The following ANKRD27 variants were observed in gnomAD, a reference collection of about 807,000 sequenced individuals.
The protein encoded by ANKRD27 is ankyrin repeat domain-containing protein 27.
In ANKRD27, 112 loss-of-function variants were observed where a neutral mutation model predicts 129.7. The observed-to-expected ratio is 0.86, with a 90% CI of 0.74 to 1.01. The LOEUF (loss-of-function observed/expected upper bound fraction) is 1.01, where lower values mean the gene tolerates loss of function less well. ANKRD27 is among the 50% of genes least tolerant of loss of function. The pLI is 0.00. For synonymous variants in ANKRD27, 516 were observed against 511.2 expected, an observed-to-expected ratio of 1.01 and a Z score of -0.13; for missense variants, 1,258 against 1,300.5, an observed-to-expected ratio of 0.97 and a Z score of 0.50.
Position 32,643,173 on chromosome 19 carries a change from T to G in ANKRD27, c.732A>C (p.Arg244Ser). 1 of 1,614,070 alleles carries G rather than the reference T, an allele frequency of 6.2e-7. No individual in the cohort carries two copies. Among genetic ancestry groups the G allele is most frequent in the Non-Finnish European group, 8.5e-7 (1 of 1,180,016 alleles). ...CTTTCTGCTGAAGATCTTGAAGGCT[T>G]CTTGTGATTTTGTTAAAGGCCGCAT... Reference protein sequence around the residue: ...SEDAAFNKITRSLQDLQQKDI... With the variant: ...SEDAAFNKITSSLQDLQQKDI... Residue 244 changes from arginine to serine, a missense_variant, in exon 9 of 29, where the codon AGA (arginine) becomes AGC (serine). Physicochemically the swap from Arg to Ser is moderately radical, Grantham distance 110. Transcript: ENST00000306065.
chr19:32,640,263 A>T (rs772522983), intron 11 of ANKRD27, 44 bp downstream of exon 11: 13 of 1,543,944 alleles, frequency 8.4e-6, no homozygotes, highest in Non-Finnish European at 1.1e-5. Context: ...GTGCCCGGCC[A>T]AGCACTGCCA....
chr19:32,643,204 C>G lies in ANKRD27; in HGVS notation c.706-5G>C, dbSNP rs778438913. 9.3e-6 allele frequency: 15 copies of G among 1,614,102 alleles called. No homozygotes were observed. Among genetic ancestry groups the G allele is most frequent in the Middle Eastern group, 1.6e-4 (1 of 6,062 alleles). On this transcript the variant is annotated splice_polypyrimidine_tract_variant and splice_region_variant and intron_variant, in intron 8 of 28. Coordinates refer to ENST00000306065, the MANE Select transcript of ANKRD27 (RefSeq NM_032139.3). ...GATTTTGTTAAAGGCCGCATCCTAACAACAGATTTTAACGAACCTTCAAAT... is the reference window on the plus strand; with the variant it reads ...GATTTTGTTAAAGGCCGCATCCTAAGAACAGATTTTAACGAACCTTCAAAT...
Position 32,628,725 on chromosome 19 carries a change from G to A in ANKRD27, c.1334C>T (p.Ser445Phe), listed in dbSNP as rs1157095631. The A allele has an allele frequency of 1.2e-6, 2 of 1,613,790 alleles. No homozygotes were observed. Among genetic ancestry groups the A allele is most frequent in the East Asian group, 2.2e-5 (1 of 44,872 alleles). The change falls in exon 14 of 29, where the codon TCT becomes TTT. Residue 445 changes from serine (S) to phenylalanine (F), a missense_variant. By Grantham distance (155) the Ser-to-Phe change is radical. Coordinates refer to ENST00000306065, the MANE Select transcript of ANKRD27 (RefSeq NM_032139.3). ...GCCTCCACCAGCACCCTCTTACCCA[G>A]AGACGAGTTTCTCACAGTCATCGCA... ...CFCDDCEKLV[S>F]GRLNDPSVVT...
At chr19:32,603,414 A>T (rs1971681415) in intron 25 of ANKRD27, among the ~76,000 whole-genome samples, 1 of 152,192 alleles carries the variant, frequency 6.6e-6, no homozygotes, top group Non-Finnish European at 1.5e-5. Flanking sequence ...CTCAGCAGGA[A>T]AACAGGAACA....
At chr19:32,618,380 A>G (rs1178910586) in intron 20 of ANKRD27, among the ~76,000 whole-genome samples, 1 of 102,328 alleles carries the variant, frequency 9.8e-6, no homozygotes, top group African/African-American at 3.8e-5. Context: ...CAGGAGTTTG[A>G]GGTTGCAGGG....
intron 13 of ANKRD27, among the ~76,000 whole-genome samples, chr19:32,629,486 G>A (rs1966951419): frequency 6.6e-6 from 1 of 152,084 alleles, no homozygotes; most frequent in Non-Finnish European, 1.5e-5. Context: ...GCTCATTTGA[G>A]GTCAGGAGTT....
intron 1 of ANKRD27, among the ~76,000 whole-genome samples, chr19:32,669,995 CAAA>C (rs11361912): frequency 7.9e-5 from 6 of 76,392 alleles, no homozygotes; most frequent in Admixed American, 3.1e-4. Flanking sequence ...GATCCCGTCA[CAAA>C]AAAAAAAAAA....
In ANKRD27 at chr19:32,620,484, G is replaced by A. The variant is rs1971992109; in HGVS notation, c.1828-931C>T. 2.0e-5 allele frequency among the ~76,000 whole-genome samples: 3 copies of A among 151,420 alleles called. No individual in the cohort carries two copies. The East Asian group carries it at 5.8e-4, about 30-fold the overall frequency. On this transcript the variant is annotated intron_variant, in intron 18 of 28. Transcript: ENST00000306065. ...CAAGGGAGGCTGAGGCAGGAGAATT[G>A]CTTGAACCTGGGAGGTGGAAGTTGC...
In ANKRD27 at chr19:32,628,782, G is replaced by C; in HGVS notation, c.1277C>G (p.Thr426Ser). Residue 426 changes from threonine (T) to serine (S), a missense_variant, in exon 14 of 29, where the codon ACC (threonine) becomes AGC (serine). Transcript: ENST00000306065. ...GAGAGGGTGACACATCTTTTGGACG[G>C]TATCTTTATCATGGTCCTCTTGGCT... ...LLSQEDHDKDTVQKMCHPLCF... is the reference protein window; with the variant it reads ...LLSQEDHDKDSVQKMCHPLCF... The C allele has an allele frequency of 6.2e-7, 1 of 1,614,104 alleles. No individual in the cohort carries two copies. Among genetic ancestry groups the C allele is most frequent in the Non-Finnish European group, 8.5e-7 (1 of 1,180,026 alleles).
Position 32,669,933 on chromosome 19 carries a change from T to C in ANKRD27, c.-31+5138A>G, listed in dbSNP as rs78688700. Among the ~76,000 whole-genome samples the C allele has an allele frequency of 3.7e-3, 553 of 147,688 alleles. 3 individuals are homozygous for C. The highest frequency in any genetic ancestry group is 0.013 in the African/African-American group (530 of 39,900). Reference sequence around the variant, plus strand: ...ATTGCTTGAACCTAAGAAGTGGAGGTTGCAGCGAGCCGAGATGGCGCCACT... The same window carrying C: ...ATTGCTTGAACCTAAGAAGTGGAGGCTGCAGCGAGCCGAGATGGCGCCACT... On this transcript the variant is annotated intron_variant, in intron 1 of 28. Coordinates refer to ENST00000306065, the MANE Select transcript of ANKRD27 (RefSeq NM_032139.3).
intron 28 of ANKRD27, 112 bp downstream of exon 28, chr19:32,599,592 C>A: frequency 1.1e-6 from 1 of 918,872 alleles, no homozygotes; most frequent in Middle Eastern, 2.6e-4. Context: ...CTAACTCATA[C>A]GGCGCACGGA....
chr19:32,613,888 T>A (rs1240773106), intron 22 of ANKRD27, among the ~76,000 whole-genome samples: 3 of 152,046 alleles, frequency 2.0e-5, no homozygotes, highest in Non-Finnish European at 2.9e-5. Flanking sequence ...TTTTGTATAT[T>A]TAGTAGAGAC....
At chr19:32,601,331 T>C (rs910872559) in intron 26 of ANKRD27, among the ~76,000 whole-genome samples, 16 of 149,810 alleles carry the variant, frequency 1.1e-4, no homozygotes, top group African/African-American at 2.7e-4. Context: ...TCTTGGTGGC[T>C]CACACCTGTA....
Position 32,643,111 on chromosome 19 carries a change from G to A in ANKRD27, c.782+12C>T, listed in dbSNP as rs772016809. The A allele has an allele frequency of 2.8e-5, 45 of 1,613,062 alleles. No individual in the cohort carries two copies. Among genetic ancestry groups the A allele is most frequent in the Admixed American group, 2.2e-4 (13 of 59,912 alleles). On this transcript the variant is annotated intron_variant, in intron 9 of 28. Coordinates refer to ENST00000306065, the MANE Select transcript of ANKRD27 (RefSeq NM_032139.3). Reference sequence around the variant, plus strand: ...TCTGAGGACACCAAGCCGCTGTGGCGCAAACCCTTACCTGAACTCCGGTTT... The same window carrying A: ...TCTGAGGACACCAAGCCGCTGTGGCACAAACCCTTACCTGAACTCCGGTTT...
intron 3 of ANKRD27, among the ~76,000 whole-genome samples, chr19:32,647,514 T>C (rs1015097079): frequency 6.6e-6 from 1 of 151,720 alleles, no homozygotes; most frequent in African/African-American, 2.4e-5. Context: ...GGCATCCCCA[T>C]AGTCAGGGAA....
At chr19:32,606,031 A>C in intron 23 of ANKRD27, 77 bp from the exon 24 acceptor site, 1 of 1,242,590 alleles carries the variant, frequency 8.0e-7, no homozygotes, top group Non-Finnish European at 1.1e-6. Flanking sequence ...TATGAAAAAT[A>C]AATAAATAAA....
At chr19:32,621,552 T>C (rs1399686579) in intron 18 of ANKRD27, among the ~76,000 whole-genome samples, 2 of 151,962 alleles carry the variant, frequency 1.3e-5, no homozygotes, top group Non-Finnish European at 2.9e-5. Flanking sequence ...CACTTGAACC[T>C]AGGAAGTGGA....
chr19:32,654,040 A>G (rs1378964541), intron 2 of ANKRD27, among the ~76,000 whole-genome samples: 1 of 152,144 alleles, frequency 6.6e-6, no homozygotes, highest in East Asian at 1.9e-4. Context: ...AGCTGGGATT[A>G]TAGGCATCTG....
At chr19:32,673,654 C>A (rs1237018506) in intron 1 of ANKRD27, among the ~76,000 whole-genome samples, 1 of 152,172 alleles carries the variant, frequency 6.6e-6, no homozygotes, top group South Asian at 2.1e-4. Context: ...CCCTATGTAG[C>A]GTGTGGGTGG....
Sources: gnomAD v4.1 joint callset for allele counts (sites outside exome capture counted in the v4.1 genomes callset) on GRCh38, gnomAD v4.1.1 for gene constraint, MANE v1.5 for transcripts, NCBI Gene and HGNC (gene_info 2026-07-23, HGNC 2026-07-21) for gene names.